Variants in HECTD4 observed in about 807,000 individuals in gnomAD.
The protein encoded by HECTD4 is probable E3 ubiquitin-protein ligase HECTD4.
Under a neutral mutation model 471.5 loss-of-function variants are expected in HECTD4, and 114 were observed. The ratio of observed to expected loss-of-function variants is 0.24; its 90% confidence interval spans 0.21 to 0.28. HECTD4 has a LOEUF of 0.28. Among genes scored for constraint, HECTD4 ranks in the 10% least tolerant of loss-of-function variants. The pLI is 1.00. For synonymous variants in HECTD4, 2,012 were observed against 2,256.0 expected, an observed-to-expected ratio of 0.89 and a Z score of 3.07; for missense variants, 3,866 against 5,651.5, an observed-to-expected ratio of 0.68 and a Z score of 10.13.
chr12:112,302,564 G>T, intron 7 of HECTD4: 2 of 693,340 alleles, frequency 2.9e-6, no homozygotes, highest in Non-Finnish European at 5.2e-6. Context: ...AAATTCTTAC[G>T]CCTTTTCTCA....
At chr12:112,242,503 C>T (rs953476467) in intron 32 of HECTD4, among the ~76,000 whole-genome samples, 5 of 151,716 alleles carry the variant, frequency 3.3e-5, no homozygotes, top group African/African-American at 1.2e-4. Context: ...GTCCCAGCTA[C>T]TTGGGAGGCT....
At position 112,183,040 on chromosome 12, in the gene HECTD4, A is replaced by T. The variant is rs2031734367; in HGVS notation, c.10987+19T>A. 1 of 1,593,130 alleles carries T rather than the reference A, an allele frequency of 6.3e-7. No homozygotes were observed. The highest frequency in any genetic ancestry group is 2.2e-5 in the East Asian group (1 of 44,748). On this transcript the variant is annotated intron_variant, in intron 62 of 75. Coordinates refer to ENST00000682272, the MANE Select transcript of HECTD4 (RefSeq NM_001388303.1). ...GCTCCACAAAAAGTCTACAGATTAA[A>T]AACAAATCCAGAACCCACCTTTAAT...
intron 1 of HECTD4, among the ~76,000 whole-genome samples, chr12:112,327,685 C>T (rs2035772652): frequency 6.6e-6 from 1 of 152,204 alleles, no homozygotes; most frequent in Non-Finnish European, 1.5e-5. Flanking sequence ...GATAATTTTT[C>T]ACACGCAAAC....
In HECTD4 at chr12:112,163,773, C is replaced by T. The variant is rs753121234; in HGVS notation, c.12702-36G>A. On this transcript the variant is annotated intron_variant, in intron 73 of 75. Transcript: ENST00000682272. The surrounding 1 kb of genome is among the most constrained non-coding windows in gnomAD (Gnocchi z 8.2). Reference sequence around the variant, plus strand: ...GAGGAGCACAGGTGAGGGAGAACACCGCCGAAGAGGCTGGGTCTGGGGGCC... The same window carrying T: ...GAGGAGCACAGGTGAGGGAGAACACTGCCGAAGAGGCTGGGTCTGGGGGCC... The T allele has an allele frequency of 6.4e-5, 91 of 1,414,338 alleles. No homozygotes were observed. Among genetic ancestry groups the T allele is most frequent in the Middle Eastern group, 5.2e-4 (2 of 3,844 alleles). 87.6% of individuals were successfully genotyped at this position (1,414,338 alleles called of 1,614,324 possible).
chr12:112,216,759 C>T lies in HECTD4; in HGVS notation c.7385+14G>A. On this transcript the variant is annotated intron_variant, in intron 47 of 75. Transcript: ENST00000682272. ...TACTGCTCTCTGTCACACTGAGCTA[C>T]TTCTTTTACTTACTTATGGAAAAGA... 6.2e-7 allele frequency: 1 copy of T among 1,611,758 alleles called. No individual in the cohort carries two copies. The highest frequency in any genetic ancestry group is 8.5e-7 in the Non-Finnish European group (1 of 1,178,032).
At chr12:112,208,090 T>C (rs2032647994) in intron 51 of HECTD4, 90 bp from the exon 52 acceptor site, 2 of 1,408,790 alleles carry the variant, frequency 1.4e-6, no homozygotes, top group Non-Finnish European at 1.9e-6. Flanking sequence ...CCCTGAGGTC[T>C]TCACCCCACT....
intron 1 of HECTD4, chr12:112,323,238 A>T (rs2135704064): frequency 6.6e-6 from 1 of 152,444 alleles, no homozygotes; most frequent in South Asian, 2.1e-4. Flanking sequence ...AATAAATAAA[A>T]AGAGCAAGGG....
chr12:112,248,030 G>A, intron 27 of HECTD4, 37 bp downstream of exon 27: 1 of 1,428,426 alleles, frequency 7.0e-7, no homozygotes, highest in Non-Finnish European at 9.8e-7. Context: ...CTCTCTAAAT[G>A]GCAATACCCC....
Position 112,283,191 on chromosome 12 carries a change from G to A in HECTD4, c.1447C>T (p.Arg483Trp). 6.2e-7 allele frequency: 1 copy of A among 1,613,780 alleles called. No individual in the cohort carries two copies. The highest frequency in any genetic ancestry group is 1.1e-5 in the South Asian group (1 of 91,004). ...GTTGCTGACGGGGAGGCTCTATACCGAGAAAGTCTACTTAGAAGCATCTCA... is the reference window on the plus strand; with the variant it reads ...GTTGCTGACGGGGAGGCTCTATACCAAGAAAGTCTACTTAGAAGCATCTCA... The part of the protein sequence containing the change: ...INEMLLSRLS[R>W]YRASPSATLA... The change falls in exon 8 of 76, where the codon CGG becomes TGG. Residue 483 changes from arginine to tryptophan, a missense_variant. Physicochemically the swap from Arg to Trp is moderately radical, Grantham distance 101. Transcript: ENST00000682272.
chr12:112,167,981 C>T, intron 70 of HECTD4, 64 bp from the exon 71 acceptor site: 2 of 1,264,832 alleles, frequency 1.6e-6, no homozygotes, highest in South Asian at 1.2e-5. Context: ...ACCGTTCCCT[C>T]CCTCTCACCT....
intron 1 of HECTD4, among the ~76,000 whole-genome samples, chr12:112,328,079 G>A (rs936764538): frequency 5.3e-5 from 8 of 151,868 alleles, no homozygotes; most frequent in African/African-American, 9.7e-5. Flanking sequence ...AAAGGAGATC[G>A]ACTGGCTAGA....
At chr12:112,233,422 T>C (rs1407698642) in intron 37 of HECTD4, among the ~76,000 whole-genome samples, 1 of 151,598 alleles carries the variant, frequency 6.6e-6, no homozygotes. Context: ...GGGATCTCAC[T>C]ATGTTGCCCA....
chr12:112,343,428 T>C (rs2036087783), intron 1 of HECTD4, among the ~76,000 whole-genome samples: 1 of 152,180 alleles, frequency 6.6e-6, no homozygotes, highest in Non-Finnish European at 1.5e-5. Flanking sequence ...ACTGCAAGGA[T>C]TAAAAAACAT....
rs759957624 is a variant in HECTD4 at position 112,243,673 on chromosome 12, T to C, written c.4738A>G (p.Ser1580Gly). 6.2e-7 allele frequency: 1 copy of C among 1,613,534 alleles called. No individual in the cohort carries two copies. The highest frequency in any genetic ancestry group is 1.7e-5 in the Admixed American group (1 of 59,916). The change falls in exon 31 of 76, where the codon AGT becomes GGT. Residue 1580 changes from serine (S) to glycine (G), a missense_variant. This residue lies in a region of HECTD4 where 229 missense variants were observed against 386.4 expected (regional missense o/e 0.59). Coordinates refer to ENST00000682272, the MANE Select transcript of HECTD4 (RefSeq NM_001388303.1). The surrounding 1 kb of genome is among the most constrained non-coding windows in gnomAD (Gnocchi z 6.6). ...IEDSRDKPTY[S>G]VLLGQLFAFI... ...GCAAACAGCTGCCCTAGCAGGACAC[T>C]GTAGGTGGGCTTGTCCCTGCTGTCC... is the stretch of plus-strand genomic sequence containing the variant.
intron 1 of HECTD4, among the ~76,000 whole-genome samples, chr12:112,350,125 A>G (rs945141685): frequency 2.6e-5 from 4 of 151,778 alleles, no homozygotes; most frequent in African/African-American, 9.7e-5. Context: ...TGGCTAATTA[A>G]TTTATTTTAT....
chr12:112,282,255 C>A (rs1195873920), intron 8 of HECTD4, among the ~76,000 whole-genome samples: 1 of 152,010 alleles, frequency 6.6e-6, no homozygotes, highest in South Asian at 2.1e-4. Flanking sequence ...TGGTAGCGGG[C>A]GCCTGTAGTC....
intron 1 of HECTD4, among the ~76,000 whole-genome samples, chr12:112,366,198 C>T: frequency 6.6e-6 from 1 of 152,004 alleles, no homozygotes; most frequent in East Asian, 1.9e-4. Flanking sequence ...CCCAAAATAC[C>T]TGGTGAACAA....
intron 18 of HECTD4, among the ~76,000 whole-genome samples, chr12:112,260,169 T>C (rs930500938): frequency 6.6e-6 from 1 of 152,170 alleles, no homozygotes; most frequent in African/African-American, 2.4e-5. Flanking sequence ...ACTTTCTGTC[T>C]CTATGATTTT....
At chr12:112,279,185 T>G (rs1594004625) in intron 9 of HECTD4, 43 bp downstream of exon 9, 2 of 1,536,214 alleles carry the variant, frequency 1.3e-6, no homozygotes, top group East Asian at 2.3e-5. Flanking sequence ...ATTTCAGAGT[T>G]TGAGATAAAT....
Sources: gnomAD v4.1 joint callset for allele counts (sites outside exome capture counted in the v4.1 genomes callset) on GRCh38, gnomAD v4.1.1 for gene constraint, gnomAD v4.1.1 regional missense constraint, Gnocchi (gnomAD v3.1) non-coding constraint, MANE v1.5 for transcripts, NCBI Gene and HGNC (gene_info 2026-07-23, HGNC 2026-07-21) for gene names.